CCDC18: variants seen among roughly 807,000 people sequenced by gnomAD.
CCDC18 encodes the protein coiled-coil domain-containing protein 18.
Under a neutral mutation model 196.0 loss-of-function variants are expected in CCDC18, and 157 were observed. That is an observed-to-expected ratio of 0.80 (90% CI 0.70 to 0.91). The LOEUF (loss-of-function observed/expected upper bound fraction) is 0.91, where lower values mean the gene tolerates loss of function less well. Ranked by LOEUF, CCDC18 falls within the 40% of genes least tolerant of loss-of-function variation. CCDC18 has a pLI of 0.00. For synonymous variants in CCDC18, 482 were observed against 529.2 expected, an observed-to-expected ratio of 0.91 and a Z score of 1.22; for missense variants, 1,465 against 1,611.6, an observed-to-expected ratio of 0.91 and a Z score of 1.56.
chr1:93,180,482 G>T, upstream of CCDC18: 1 of 1,518,934 alleles, frequency 6.6e-7, no homozygotes, highest in Non-Finnish European at 8.9e-7. Context: ...GCCCCCTCAG[G>T]CCAGGCGTGA....
Position 93,277,764 on chromosome 1 carries a change from CTCTG to C in CCDC18, c.4354-694_4354-691del, listed in dbSNP as rs371209968. The stretch of plus-strand genomic sequence containing the variant: ...TTTTCCCCACATAATTGTCTTTTGT[CTCTG>C]TCTGCTCTTTTTTTCTTCTTTTAAT... On this transcript the variant is annotated intron_variant, in intron 28 of 28. Transcript: ENST00000690025. Among the ~76,000 whole-genome samples the C allele has an allele frequency of 5.0e-3, 760 of 152,190 alleles. 9 individuals carry two copies. The highest frequency in any genetic ancestry group is 0.017 in the African/African-American group (713 of 41,528).
chr1:93,253,842 C>T (rs2101052154), intron 23 of CCDC18, among the ~76,000 whole-genome samples: 1 of 152,270 alleles, frequency 6.6e-6, no homozygotes. Context: ...ATATCAGCCA[C>T]CTGGGTTTCT....
Position 93,183,448 on chromosome 1 carries a change from G to A in CCDC18, c.87G>A (p.Leu29=), listed in dbSNP as rs747258279. The part of the protein sequence containing the change: ...LANVASLRHE[L]KITEWSLQSL... ...ATGTTGCTTCCTTAAGACATGAACT[G>A]AAGATAACAGAATGGAGTTTGCAGA... Residue 29 remains leucine (L), a synonymous_variant, in exon 2 of 29, where the codon CTG becomes CTA. Transcript: ENST00000690025. 2.5e-6 allele frequency: 4 copies of A among 1,607,234 alleles called. No individual in the cohort carries two copies. The highest frequency in any genetic ancestry group is 2.2e-5 in the South Asian group (2 of 89,696).
rs1656743437 is a variant in CCDC18, at chr1:93,217,729, T to G, written c.1831-9T>G. ...AATTATACTCCTTTAAAGTGTTTTG[T>G]GTTTCTAGGAAAAGAATGAAAAGAT... On this transcript the variant is annotated splice_polypyrimidine_tract_variant and intron_variant, in intron 13 of 28. Coordinates refer to ENST00000690025, the MANE Select transcript of CCDC18 (RefSeq NM_001378204.1). 6.3e-7 allele frequency: 1 copy of G among 1,596,808 alleles called. No individual in the cohort carries two copies. Among genetic ancestry groups the G allele is most frequent in the Non-Finnish European group, 8.5e-7 (1 of 1,173,384 alleles).
At chr1:93,208,585 A>G (rs1022817464) in intron 9 of CCDC18, among the ~76,000 whole-genome samples, 2 of 151,820 alleles carry the variant, frequency 1.3e-5, no homozygotes, top group African/African-American at 2.4e-5. Flanking sequence ...GTGAGCCACC[A>G]TGCCTGGCCC....
chr1:93,261,954 G>A (rs369988192), intron 26 of CCDC18, among the ~76,000 whole-genome samples: 38 of 152,180 alleles, frequency 2.5e-4, no homozygotes, highest in African/African-American at 8.2e-4. Context: ...GGGACACCTC[G>A]GGAAACTTAC....
chr1:93,258,872 CT>C lies in CCDC18; in HGVS notation c.3673del (p.Tyr1225IlefsTer5). On this transcript the variant is annotated frameshift_variant, in exon 26 of 29. Coordinates refer to ENST00000690025, the MANE Select transcript of CCDC18 (RefSeq NM_001378204.1). LOFTEE classifies it high-confidence loss of function. ...LSAEVESLKE[A>X]YHMEMISHQE... ...GCAGAAGTAGAATCTCTCAAAGAAG[CT>C]TATCATATGGAGGTAAAGAAAAATT... The C allele has an allele frequency of 6.3e-7, 1 of 1,592,256 alleles. No homozygotes were observed.
chr1:93,258,101 A>T (rs1012364834), intron 25 of CCDC18, among the ~76,000 whole-genome samples: 35 of 148,298 alleles, frequency 2.4e-4, no homozygotes, highest in African/African-American at 7.9e-4. Context: ...TTAAATTAAT[A>T]AAAATTAATT....
intron 23 of CCDC18, among the ~76,000 whole-genome samples, chr1:93,252,789 C>CTT (rs1662442078): frequency 2.0e-5 from 3 of 152,196 alleles, no homozygotes; most frequent in African/African-American, 7.2e-5. Flanking sequence ...GGAATTTAAG[C>CTT]AAACTGGCTT....
At chr1:93,213,430 A>T (rs1340463756) in intron 11 of CCDC18, among the ~76,000 whole-genome samples, 1 of 151,736 alleles carries the variant, frequency 6.6e-6, no homozygotes, top group African/African-American at 2.4e-5. Flanking sequence ...TTTCCAAAAA[A>T]ACCACAAAAC....
chr1:93,247,186 C>G (rs1661597950), intron 23 of CCDC18, among the ~76,000 whole-genome samples: 1 of 151,782 alleles, frequency 6.6e-6, no homozygotes. Context: ...TCGGTCTCCC[C>G]AAAGCTTTGG....
At chr1:93,266,327 CA>C (rs775747730) in intron 27 of CCDC18, among the ~76,000 whole-genome samples, 107 of 152,216 alleles carry the variant, frequency 7.0e-4, no homozygotes, top group Non-Finnish European at 1.3e-3. Flanking sequence ...ACTAAATGCC[CA>C]CAAGAGAAAG....
At chr1:93,210,171 A>G (rs556976635) in intron 9 of CCDC18, among the ~76,000 whole-genome samples, 5 of 152,296 alleles carry the variant, frequency 3.3e-5, no homozygotes, top group African/African-American at 1.2e-4. Context: ...TTCTACTTCT[A>G]GGAGGTGTGA....
At chr1:93,209,479 TA>T (rs1279229182) in intron 9 of CCDC18, among the ~76,000 whole-genome samples, 1 of 152,214 alleles carries the variant, frequency 6.6e-6, no homozygotes, top group Non-Finnish European at 1.5e-5. Context: ...TTACCAATGT[TA>T]AACTGTTATG....
Position 93,207,372 on chromosome 1 carries a change from T to C in CCDC18, c.1183T>C (p.Leu395=), listed in dbSNP as rs778633803. Residue 395 remains leucine (L), a synonymous_variant, in exon 9 of 29, where the codon TTG becomes CTG. Coordinates refer to ENST00000690025, the MANE Select transcript of CCDC18 (RefSeq NM_001378204.1). ...IESSRVELRS[L]EKIISQLPLK... is the part of the protein sequence containing the mutation. ...AAGTTCAAGGGTAGAACTAAGAAGT[T>C]TGGAAAAGATTATATCCCAGTTGCC... 6.2e-7 allele frequency: 1 copy of C among 1,601,778 alleles called. No homozygotes were observed. The highest frequency in any genetic ancestry group is 2.2e-5 in the East Asian group (1 of 44,564).
intron 28 of CCDC18, 95 bp from the exon 29 acceptor site, chr1:93,278,368 C>T: frequency 2.1e-6 from 1 of 468,498 alleles, no homozygotes; most frequent in Admixed American, 3.3e-5. Context: ...CTCACTCTCG[C>T]TTTAAATTAT....
intron 19 of CCDC18, among the ~76,000 whole-genome samples, chr1:93,238,242 A>T (rs1302750654): frequency 1.3e-5 from 2 of 152,308 alleles, no homozygotes; most frequent in South Asian, 4.1e-4. Flanking sequence ...TCAAGCTAAA[A>T]ATTATTTACT....
At chr1:93,227,592 A>C (rs1658577160) in intron 17 of CCDC18, among the ~76,000 whole-genome samples, 1 of 152,132 alleles carries the variant, frequency 6.6e-6, no homozygotes, top group Non-Finnish European at 1.5e-5. Flanking sequence ...TATTTGTTAG[A>C]ATTTATAATG....
At chr1:93,252,252 G>A (rs1377352296) in intron 23 of CCDC18, among the ~76,000 whole-genome samples, 2 of 152,126 alleles carry the variant, frequency 1.3e-5, no homozygotes, top group African/African-American at 4.8e-5. Flanking sequence ...ATGTGACTCA[G>A]TCTGGTCTCA....
Sources: allele counts gnomAD v4.1 joint callset (sites outside exome capture counted in the v4.1 genomes callset), GRCh38; gene constraint gnomAD v4.1.1; transcripts MANE v1.5; gene names NCBI Gene and HGNC (gene_info 2026-07-23, HGNC 2026-07-21).